Variants in WWOX observed in about 807,000 individuals in gnomAD.
WWOX encodes the protein WW domain containing oxidoreductase, also known as WW domain-containing oxidoreductase.
In WWOX, 69 loss-of-function variants were observed where a neutral mutation model predicts 46.2. That is an observed-to-expected ratio of 1.49 (90% confidence interval 1.23 to 1.82). The LOEUF is 1.82. Among genes scored for constraint, WWOX ranks in the 40% most tolerant of loss-of-function variants. The pLI, the probability that WWOX is intolerant of heterozygous loss-of-function variation, is 0.00. For synonymous variants in WWOX, 359 were observed against 202.6 expected (o/e 1.77, Z -6.56); for missense variants, 919 against 542.6 (o/e 1.69, Z -6.89).
intron 8 of WWOX, among the ~76,000 whole-genome samples, chr16:78,887,077 G>GTGT (rs1555559537): frequency 4.9e-5 from 3 of 61,312 alleles, no homozygotes; most frequent in African/African-American, 1.4e-4. Flanking sequence ...GTGTGTGTGT[G>GTGT]GTGTGTGTGT....
intron 8 of WWOX, among the ~76,000 whole-genome samples, chr16:78,540,621 T>C (rs530748536): frequency 6.6e-6 from 1 of 152,286 alleles, no homozygotes; most frequent in East Asian, 1.9e-4. Flanking sequence ...CCTGGGCTTG[T>C]TAGCTCCTAC....
intron 8 of WWOX, among the ~76,000 whole-genome samples, chr16:78,725,580 C>A (rs989158078): frequency 6.6e-6 from 1 of 151,438 alleles, no homozygotes; most frequent in Non-Finnish European, 1.5e-5. Context: ...ATCCTGACCT[C>A]AGGCGATCTA....
At chr16:78,580,681 A>T (rs1259359221) in intron 8 of WWOX, among the ~76,000 whole-genome samples, 1 of 152,234 alleles carries the variant, frequency 6.6e-6, no homozygotes, top group South Asian at 2.1e-4. Flanking sequence ...TGCAGAGTAT[A>T]TGAAAAATTT....
At chr16:79,150,570 C>T (rs2050259175) in intron 8 of WWOX, among the ~76,000 whole-genome samples, 1 of 152,174 alleles carries the variant, frequency 6.6e-6, no homozygotes, top group Admixed American at 6.5e-5. Flanking sequence ...TGAATGTTGC[C>T]ACGTGGAAAT....
intron 8 of WWOX, among the ~76,000 whole-genome samples, chr16:78,689,019 C>T (rs1177277313): frequency 6.6e-6 from 1 of 152,178 alleles, no homozygotes; most frequent in Non-Finnish European, 1.5e-5. Flanking sequence ...CCTCCACAGC[C>T]ATGCCAAATT....
chr16:79,034,560 G>C (rs1329401426), intron 8 of WWOX, among the ~76,000 whole-genome samples: 1 of 152,078 alleles, frequency 6.6e-6, no homozygotes, highest in Non-Finnish European at 1.5e-5. Flanking sequence ...CCAATGCCCT[G>C]GGCTTAATTC....
At chr16:78,945,891 C>G (rs984792297) in intron 8 of WWOX, among the ~76,000 whole-genome samples, 3 of 152,130 alleles carry the variant, frequency 2.0e-5, no homozygotes, top group Admixed American at 2.0e-4. Context: ...CTTCCTTTAA[C>G]TGCCCTTGTG....
intron 8 of WWOX, among the ~76,000 whole-genome samples, chr16:78,725,749 A>G (rs2048815269): frequency 6.6e-6 from 1 of 151,986 alleles, no homozygotes; most frequent in Non-Finnish European, 1.5e-5. Context: ...CAGCACAGCC[A>G]CGTTCTTTCT....
intron 8 of WWOX, among the ~76,000 whole-genome samples, chr16:78,886,766 G>T (rs1389855851): frequency 6.6e-6 from 1 of 151,850 alleles, no homozygotes; most frequent in Non-Finnish European, 1.5e-5. Context: ...AAAGCACAAG[G>T]AAAGGCTATG....
chr16:78,439,765 G>C (rs193145873), intron 8 of WWOX, among the ~76,000 whole-genome samples: 1 of 152,204 alleles, frequency 6.6e-6, no homozygotes, highest in East Asian at 1.9e-4. Context: ...GAGTTGCTGA[G>C]GCAGCAAGGG....
At chr16:78,283,982 A>G (rs1164213461) in intron 5 of WWOX, among the ~76,000 whole-genome samples, 3 of 152,240 alleles carry the variant, frequency 2.0e-5, no homozygotes, top group Non-Finnish European at 4.4e-5. Context: ...ATATCACGTC[A>G]TGATGAATTA....
chr16:78,887,126 GTGTGTGTGTA>G (rs1303594359), intron 8 of WWOX, among the ~76,000 whole-genome samples: 10 of 118,398 alleles, frequency 8.4e-5, no homozygotes, highest in East Asian at 2.5e-4. Context: ...GTGTGTGTGT[GTGTGTGTGTA>G]TACCTAGTCT....
chr16:78,595,698 G>A (rs904919484), intron 8 of WWOX, among the ~76,000 whole-genome samples: 1 of 152,134 alleles, frequency 6.6e-6, no homozygotes, highest in Non-Finnish European at 1.5e-5. Flanking sequence ...ATAGCTGCTG[G>A]CAGAAACCTG....
chr16:78,683,725 A>G (rs953555456), intron 8 of WWOX, among the ~76,000 whole-genome samples: 9 of 152,182 alleles, frequency 5.9e-5, no homozygotes, highest in Admixed American at 5.9e-4. Flanking sequence ...ACCATTGATA[A>G]GTTGTGGTCT....
At chr16:78,373,129 C>G (rs1398731676) in intron 5 of WWOX, among the ~76,000 whole-genome samples, 1 of 152,100 alleles carries the variant, frequency 6.6e-6, no homozygotes. Context: ...CTTGTAATAT[C>G]TTTGTAAAAG....
intron 8 of WWOX, among the ~76,000 whole-genome samples, chr16:79,186,780 A>G (rs2150797954): frequency 6.6e-6 from 1 of 152,172 alleles, no homozygotes; most frequent in Admixed American, 6.5e-5. Flanking sequence ...TCCTCACGCT[A>G]GCATTTCTAG....
intron 7 of WWOX, among the ~76,000 whole-genome samples, chr16:78,429,395 C>A (rs1479189595): frequency 6.6e-6 from 1 of 152,162 alleles, no homozygotes; most frequent in Non-Finnish European, 1.5e-5. Context: ...TTCATTCTCT[C>A]CCTGACTTCC....
At chr16:78,674,422 C>G (rs2047542325) in intron 8 of WWOX, among the ~76,000 whole-genome samples, 1 of 151,918 alleles carries the variant, frequency 6.6e-6, no homozygotes, top group Non-Finnish European at 1.5e-5. Flanking sequence ...GTAGCTGGAA[C>G]TACAGGCGTC....
At chr16:78,436,026 G>C (rs144584355) in intron 8 of WWOX, among the ~76,000 whole-genome samples, 5 of 152,186 alleles carry the variant, frequency 3.3e-5, no homozygotes, top group Admixed American at 1.3e-4. Flanking sequence ...TTGTTAATTC[G>C]AACTGAAAAA....
Sources: gnomAD v4.1 joint callset for allele counts (sites outside exome capture counted in the v4.1 genomes callset) on GRCh38, gnomAD v4.1.1 for gene constraint, MANE v1.5 for transcripts, NCBI Gene and HGNC (gene_info 2026-07-23, HGNC 2026-07-21) for gene names.